ABCA9: variants seen among roughly 807,000 people sequenced by gnomAD.
ABCA9 encodes the protein ATP binding cassette subfamily A member 9.
ABCA9 carries 183 observed loss-of-function variants against 205.3 expected under a neutral mutation model. The ratio of observed to expected loss-of-function variants is 0.89; its 90% CI spans 0.79 to 1.01. The LOEUF is 1.01. Among genes scored for constraint, ABCA9 ranks in the 50% least tolerant of loss-of-function variants. ABCA9 has a pLI of 0.00. For missense variants in ABCA9, 1,805 were observed against 1,912.4 expected (o/e 0.94, Z 1.05); for synonymous variants, 651 against 683.3 (o/e 0.95, Z 0.74).
chr17:69,026,887 C>G, intron 15 of ABCA9, 89 bp downstream of exon 15: 2 of 1,487,488 alleles, frequency 1.3e-6, no homozygotes, highest in Non-Finnish European at 9.1e-7. Flanking sequence ...ATGGCAGTTC[C>G]AGGGAGACAC....
chr17:69,050,656 T>C (rs932185376), intron 2 of ABCA9, among the ~76,000 whole-genome samples: 1 of 152,210 alleles, frequency 6.6e-6, no homozygotes, highest in Non-Finnish European at 1.5e-5. Flanking sequence ...TGTTAGATTT[T>C]GGATTCCCTG....
intron 18 of ABCA9, among the ~76,000 whole-genome samples, chr17:69,021,224 C>T (rs1226498922): frequency 6.6e-6 from 1 of 151,484 alleles, no homozygotes; most frequent in African/African-American, 2.4e-5. Context: ...CAGAAAATTG[C>T]AAAAATGAAA....
intron 25 of ABCA9, among the ~76,000 whole-genome samples, chr17:68,996,624 A>C (rs1425821852): frequency 6.6e-6 from 1 of 152,204 alleles, no homozygotes; most frequent in Non-Finnish European, 1.5e-5. Flanking sequence ...TATTCTACAA[A>C]CCATGAATTA....
Position 68,992,159 on chromosome 17 carries a change from A to G in ABCA9, c.3716+16T>C, listed in dbSNP as rs748027483. 22 of 1,516,938 alleles carry G rather than the reference A, an allele frequency of 1.5e-5. No individual in the cohort carries two copies. The highest frequency in any genetic ancestry group is 1.9e-5 in the Non-Finnish European group (21 of 1,115,752). The allele number at this position is 1,516,938 out of a possible 1,614,324, so 94.0% of individuals were successfully genotyped here. ...ATATCAAAATGAAACATGAAATTCG[A>G]TTTGATTTTCTCAACCTGAACACAG... On this transcript the variant is annotated intron_variant, in intron 28 of 38. Coordinates refer to ENST00000340001, the MANE Select transcript of ABCA9 (RefSeq NM_080283.4).
the ABCA9 span, among the ~76,000 whole-genome samples, chr17:69,066,584 G>A: frequency 6.6e-6 from 1 of 151,804 alleles, no homozygotes; most frequent in Non-Finnish European, 1.5e-5. Flanking sequence ...GGCTGCGTAA[G>A]ACGGTATTGG....
Position 68,978,312 on chromosome 17 carries a change from A to G in ABCA9, c.4721-2122T>C, listed in dbSNP as rs555135940. Among the ~76,000 whole-genome samples, 23 of 151,136 alleles carry G rather than the reference A, an allele frequency of 1.5e-4. No homozygotes were observed. The East Asian group carries it at 4.5e-3, about 29-fold the overall frequency. ...AACCCCTGCCTTTTTTTTGTTTTCC[A>G]TTTGCTTGGTAGATCTTCCTCCATC... On this transcript the variant is annotated intron_variant, in intron 37 of 38. Transcript: ENST00000340001.
intron 36 of ABCA9, among the ~76,000 whole-genome samples, chr17:68,982,980 T>C (rs1210953342): frequency 6.6e-6 from 1 of 152,180 alleles, no homozygotes; most frequent in Middle Eastern, 3.2e-3. Context: ...CACTGTAGAC[T>C]GGGCGACAGA....
chr17:68,998,957 T>C (rs2069731947), intron 25 of ABCA9, among the ~76,000 whole-genome samples: 1 of 152,020 alleles, frequency 6.6e-6, no homozygotes, highest in South Asian at 2.1e-4. Context: ...CTGCATTGTT[T>C]TGGAATACTT....
Position 69,044,584 on chromosome 17 carries a change from C to G in ABCA9, c.486G>C (p.Val162=), listed in dbSNP as rs1472759054. ...HRDHSAHCQA[V]NEKMKCEGSE... ...AACCTTCACACTTCATTTTTTCATT[C>G]ACTGCTTGACAGTGAGCTTTAGAAG... Residue 162 remains valine, a synonymous_variant, in exon 5 of 39, where the codon GTG becomes GTC. Coordinates refer to ENST00000340001, the MANE Select transcript of ABCA9 (RefSeq NM_080283.4). 3 of 1,612,630 alleles carry G rather than the reference C, an allele frequency of 1.9e-6. No homozygotes were observed. The highest frequency in any genetic ancestry group is 1.7e-5 in the Admixed American group (1 of 59,884).
At chr17:69,041,560 C>T (rs1056082731) in intron 6 of ABCA9, among the ~76,000 whole-genome samples, 7 of 151,900 alleles carry the variant, frequency 4.6e-5, no homozygotes, top group East Asian at 1.9e-4. Context: ...AAAGATTAGC[C>T]GGGCATGGTG....
intron 25 of ABCA9, among the ~76,000 whole-genome samples, chr17:69,003,138 G>A (rs1313899764): frequency 4.0e-5 from 6 of 151,500 alleles, no homozygotes; most frequent in East Asian, 3.9e-4. Context: ...ATAGTGTTAT[G>A]TGTGAATTTG....
chr17:68,974,507 T>G lies in ABCA9; in HGVS notation c.*1408A>C, dbSNP rs141869754. The G allele has an allele frequency of 3.7e-3, 558 of 152,304 alleles. 3 individuals carry two copies. Among genetic ancestry groups the G allele is most frequent in the African/African-American group, 0.012 (494 of 41,570 alleles). 9.4% of individuals were successfully genotyped at this position (152,304 alleles called of 1,614,324 possible). A position where few individuals can be genotyped will look rare whatever the true frequency, so the allele number is the denominator to read the frequency against. On this transcript the variant is annotated 3_prime_UTR_variant, in exon 39 of 39. Transcript: ENST00000340001. ...ATATTCTTACGGGTTGATGGAAGTG[T>G]TTTATTTTCAAAAACTAGAAGAATA...
At position 68,993,100 on chromosome 17, in the gene ABCA9, T is replaced by C. The variant is rs751635749; in HGVS notation, c.3556-16A>G. 8 of 1,604,974 alleles carry C rather than the reference T, an allele frequency of 5.0e-6. No homozygotes were observed. The highest frequency in any genetic ancestry group is 6.0e-6 in the Non-Finnish European group (7 of 1,172,454). ...CAGGAGAAATCTGTAAAATGAGCAGTAAGTGTATTCAGGTGAACCTTCTTT... is the reference window on the plus strand; with the variant it reads ...CAGGAGAAATCTGTAAAATGAGCAGCAAGTGTATTCAGGTGAACCTTCTTT... On this transcript the variant is annotated splice_polypyrimidine_tract_variant and intron_variant, in intron 26 of 38. Transcript: ENST00000340001.
intron 6 of ABCA9, among the ~76,000 whole-genome samples, chr17:69,036,275 C>A (rs2071335972): frequency 6.6e-6 from 1 of 152,008 alleles, no homozygotes; most frequent in African/African-American, 2.4e-5. Flanking sequence ...CAGTCATAAA[C>A]AATATGTTAG....
rs559240922 is a variant in ABCA9, at chr17:69,012,843, ATC to A, written c.3040-762_3040-761del. ...ACTAGGTCTTATTCATTCTTTCTGT[ATC>A]TATTTTTTGTACCTATTAACCATTC... On this transcript the variant is annotated intron_variant, in intron 22 of 38. Transcript: ENST00000340001. 3.9e-4 allele frequency among the ~76,000 whole-genome samples: 59 copies of A among 152,188 alleles called. 2 individuals carry two copies. Among genetic ancestry groups the A allele is most frequent in the Admixed American group, 3.9e-3 (59 of 15,268 alleles).
rs2069247312 is a variant in ABCA9 at position 68,986,606 on chromosome 17, C to T, written c.4048-282G>A. 1.4e-5 allele frequency: 4 copies of T among 294,724 alleles called. No homozygotes were observed. In the East Asian group the frequency reaches 2.3e-4, roughly 17 times the overall value. 18.3% of individuals were successfully genotyped at this position (294,724 alleles called of 1,614,324 possible). ...TGAGTGTCTTTTACTTGGCTTCATT[C>T]ATTGATCCAAACATTCAAAGGAATA... On this transcript the variant is annotated intron_variant, in intron 31 of 38. Transcript: ENST00000340001.
chr17:69,069,727 T>C, the ABCA9 span, among the ~76,000 whole-genome samples: 1 of 152,044 alleles, frequency 6.6e-6, no homozygotes, highest in Non-Finnish European at 1.5e-5. Context: ...TGTTTTATTC[T>C]GATCTTCCGT....
intron 37 of ABCA9, among the ~76,000 whole-genome samples, chr17:68,981,117 GAAGGGAAGGC>G (rs1276227719): frequency 6.6e-6 from 1 of 151,982 alleles, no homozygotes; most frequent in Non-Finnish European, 1.5e-5. Context: ...TGGGTGGAGG[GAAGGGAAGGC>G]AACAATAGAG....
intron 23 of ABCA9, among the ~76,000 whole-genome samples, chr17:69,010,175 T>TTA (rs2144197979): frequency 1.4e-5 from 2 of 143,264 alleles, no homozygotes; most frequent in Non-Finnish European, 3.0e-5. Context: ...GACAGTTAAT[T>TTA]AAAAAAAAAA....
Sources: gnomAD v4.1 joint callset for allele counts (sites outside exome capture counted in the v4.1 genomes callset) on GRCh38, gnomAD v4.1.1 for gene constraint, MANE v1.5 for transcripts, NCBI Gene and HGNC (gene_info 2026-07-23, HGNC 2026-07-21) for gene names.